The following RBM6 variants were observed in gnomAD, a reference collection of about 807,000 sequenced individuals.
RBM6 encodes RNA binding motif protein 6.
Under a neutral mutation model 140.4 loss-of-function variants are expected in RBM6, and 23 were observed. That is an observed-to-expected ratio of 0.16 (90% confidence interval 0.12 to 0.23). The LOEUF (loss-of-function observed/expected upper bound fraction) is 0.23, where lower values mean the gene tolerates loss of function less well. Ranked by LOEUF, RBM6 falls within the 10% of genes least tolerant of loss-of-function variation. RBM6 has a pLI of 1.00. For missense variants in RBM6, 1,139 were observed against 1,386.7 expected, an observed-to-expected ratio of 0.82 and a Z score of 2.84; for synonymous variants, 439 against 475.6, an observed-to-expected ratio of 0.92 and a Z score of 1.00.
chr3:50,028,679 TCATTAGATTGAAAGGTC>T (rs1228035115), intron 6 of RBM6, among the ~76,000 whole-genome samples: 1 of 152,210 alleles, frequency 6.6e-6, no homozygotes, highest in Non-Finnish European at 1.5e-5. Flanking sequence ...ACAGATGTCC[TCATTAGATTGAAAGGTC>T]CATGAAAGCA....
At chr3:50,023,538 G>A (rs530210753) in intron 6 of RBM6, among the ~76,000 whole-genome samples, 18 of 152,004 alleles carry the variant, frequency 1.2e-4, no homozygotes, top group Non-Finnish European at 2.4e-4. Context: ...ACCGCAGTCC[G>A]TGCTAGTATT....
At position 50,033,669 on chromosome 3, in the gene RBM6, T is replaced by C. The variant is rs555198212; in HGVS notation, c.1558-14576T>C. Among the ~76,000 whole-genome samples the C allele has an allele frequency of 2.2e-4, 34 of 152,152 alleles. 1 individual carries two copies. Among genetic ancestry groups the C allele is most frequent in the African/African-American group, 8.2e-4 (34 of 41,534 alleles). ...TTTTCTTTTTTTTCTTTTTTTGAGA[T>C]GGAGTCTCGCTCTGTCACCAGGTGG... On this transcript the variant is annotated intron_variant, in intron 6 of 20. Coordinates refer to ENST00000266022, the MANE Select transcript of RBM6 (RefSeq NM_005777.3).
chr3:49,962,509 G>A, intron 1 of RBM6, 67 bp from the exon 2 acceptor site: 1 of 746,370 alleles, frequency 1.3e-6, no homozygotes, highest in Non-Finnish European at 2.2e-6. Flanking sequence ...AAACCAAGCA[G>A]TGGGAAACTG....
At chr3:50,057,332 A>C (rs1440903154) in intron 8 of RBM6, among the ~76,000 whole-genome samples, 2 of 152,128 alleles carry the variant, frequency 1.3e-5, no homozygotes, top group Non-Finnish European at 2.9e-5. Context: ...CACACCTGTA[A>C]TCCCAGCACT....
intron 6 of RBM6, among the ~76,000 whole-genome samples, chr3:50,023,954 G>C (rs1420901615): frequency 6.6e-6 from 1 of 151,976 alleles, no homozygotes; most frequent in African/African-American, 2.4e-5. Context: ...AGCCGGGTGT[G>C]ATATTTTTAA....
chr3:50,049,849 CT>C (rs772819564), intron 7 of RBM6, among the ~76,000 whole-genome samples: 911 of 136,258 alleles, frequency 6.7e-3, no homozygotes, highest in Non-Finnish European at 6.3e-3. Context: ...CCTAGAACTT[CT>C]TTTTTTTTTT....
rs538654702 is a variant in RBM6, at chr3:50,028,888, C to G, written c.1558-19357C>G. Reference sequence around the variant, plus strand: ...TAATTTCTGTAAAATGTGGTCTTGACCCCCCCAACCCAAGTGACCTCCTTA... The same window carrying G: ...TAATTTCTGTAAAATGTGGTCTTGAGCCCCCCAACCCAAGTGACCTCCTTA... On this transcript the variant is annotated intron_variant, in intron 6 of 20. Transcript: ENST00000266022. 6.5e-4 allele frequency among the ~76,000 whole-genome samples: 99 copies of G among 152,062 alleles called. 1 individual carries two copies. Among genetic ancestry groups the G allele is most frequent in the African/African-American group, 2.3e-3 (97 of 41,450 alleles).
At position 50,058,517 on chromosome 3, in the gene RBM6, C is replaced by A; in HGVS notation, c.2085C>A (p.Gly695=). The change falls in exon 10 of 21, where the codon GGC becomes GGA. Residue 695 remains glycine (G), a synonymous_variant. Transcript: ENST00000266022. ...ANVRIIKNRT[G]PMGHTYGFID... ...TCCGTATCATCAAGAACAGAACAGG[C>A]CCTATGGGGCATACCTATGGCTTTA... 1 of 1,610,670 alleles carries A rather than the reference C, an allele frequency of 6.2e-7. No individual in the cohort carries two copies. Among genetic ancestry groups the A allele is most frequent in the Non-Finnish European group, 8.5e-7 (1 of 1,176,870 alleles).
In RBM6 at chr3:49,950,924, A is replaced by C. The variant is rs150858321; in HGVS notation, c.-67+10699A>C. On this transcript the variant is annotated intron_variant, in intron 1 of 20. Transcript: ENST00000266022. The stretch of plus-strand genomic sequence containing the variant: ...TGTTCATAACAGCGTTATTCACATT[A>C]GCTAAAATGTGGAAGCAACCCAACT... Among the ~76,000 whole-genome samples the C allele has an allele frequency of 2.0e-5, 3 of 152,314 alleles. No homozygotes were observed. In the East Asian group the frequency reaches 5.8e-4, roughly 29 times the overall value.
chr3:49,945,742 C>A (rs755153821), intron 1 of RBM6, among the ~76,000 whole-genome samples: 1 of 151,590 alleles, frequency 6.6e-6, no homozygotes, highest in Non-Finnish European at 1.5e-5. Flanking sequence ...ATTAACCGGG[C>A]GTGGCGGCAT....
In RBM6 at chr3:49,994,886, G is replaced by T. The variant is rs534490996; in HGVS notation, c.1484-4554G>T. 2.0e-5 allele frequency among the ~76,000 whole-genome samples: 3 copies of T among 152,158 alleles called. No individual in the cohort carries two copies. In the South Asian group the frequency reaches 6.2e-4, roughly 32 times the overall value. ...TTGATGGGAAATTCAGCTGGATTTGGGTATGTTCATTGGGTTTTCCTAGAA... is the reference window on the plus strand; with the variant it reads ...TTGATGGGAAATTCAGCTGGATTTGTGTATGTTCATTGGGTTTTCCTAGAA... On this transcript the variant is annotated intron_variant, in intron 5 of 20. Coordinates refer to ENST00000266022, the MANE Select transcript of RBM6 (RefSeq NM_005777.3).
At chr3:50,032,963 C>G (rs1186484254) in intron 6 of RBM6, among the ~76,000 whole-genome samples, 1 of 143,686 alleles carries the variant, frequency 7.0e-6, no homozygotes, top group Non-Finnish European at 1.5e-5. Flanking sequence ...CCAACCTGGG[C>G]AACAAGAGCA....
chr3:50,024,318 C>T (rs1394297884), intron 6 of RBM6, among the ~76,000 whole-genome samples: 18 of 152,136 alleles, frequency 1.2e-4, no homozygotes, highest in Admixed American at 1.1e-3. Flanking sequence ...AAGTGTATTG[C>T]TTAGTGAATT....
chr3:49,941,772 T>C (rs62262099), intron 1 of RBM6, among the ~76,000 whole-genome samples: 11,963 of 151,710 alleles, frequency 0.079, 523 homozygotes, highest in African/African-American at 0.1. Flanking sequence ...TTCGCTATGT[T>C]GGCCAGGCTG....
At chr3:50,053,205 A>T (rs892421207) in intron 7 of RBM6, among the ~76,000 whole-genome samples, 2 of 152,092 alleles carry the variant, frequency 1.3e-5, no homozygotes, top group African/African-American at 4.8e-5. Context: ...GTGATGACAT[A>T]TACAGTAGGC....
At chr3:50,052,761 G>A (rs918805721) in intron 7 of RBM6, among the ~76,000 whole-genome samples, 8 of 152,150 alleles carry the variant, frequency 5.3e-5, no homozygotes, top group African/African-American at 9.7e-5. Flanking sequence ...GGACCCAGGC[G>A]GAAGAAACAG....
chr3:49,976,565 T>G (rs1019252846), intron 5 of RBM6, among the ~76,000 whole-genome samples: 4 of 152,202 alleles, frequency 2.6e-5, no homozygotes, highest in African/African-American at 7.2e-5. Context: ...ATGCTTTCTT[T>G]GGGAACTCAA....
At chr3:50,075,093 T>A in intron 19 of RBM6, 108 bp from the exon 20 acceptor site, 2 of 1,295,820 alleles carry the variant, frequency 1.5e-6, no homozygotes. Flanking sequence ...GAGGCAGAGG[T>A]TGCAGTAAGC....
chr3:49,955,445 T>C (rs2083936544), intron 1 of RBM6, among the ~76,000 whole-genome samples: 1 of 151,966 alleles, frequency 6.6e-6, no homozygotes, highest in African/African-American at 2.4e-5. Context: ...TTGCCCAGGC[T>C]GGAGTGCAGT....
Sources: allele counts gnomAD v4.1 joint callset (sites outside exome capture counted in the v4.1 genomes callset), GRCh38; gene constraint gnomAD v4.1.1; transcripts MANE v1.5; gene names NCBI Gene and HGNC (gene_info 2026-07-23, HGNC 2026-07-21).